NOSTRIN: variants seen among roughly 807,000 people sequenced by gnomAD.
NOSTRIN encodes the protein BM247 homolog.
NOSTRIN carries 63 observed loss-of-function variants against 59.0 expected under a neutral mutation model. That is an observed-to-expected ratio of 1.07 (90% CI 0.87 to 1.32). The LOEUF (loss-of-function observed/expected upper bound fraction) is 1.32, where lower values mean the gene tolerates loss of function less well. NOSTRIN is among the 40% of genes most tolerant of loss of function. The pLI is 0.00. For missense variants in NOSTRIN, 512 were observed against 473.1 expected, an observed-to-expected ratio of 1.08 and a Z score of -0.76; for synonymous variants, 200 against 165.4, an observed-to-expected ratio of 1.21 and a Z score of -1.61.
At chr2:168,837,888 C>T (rs1380912570) in intron 7 of NOSTRIN, among the ~76,000 whole-genome samples, 1 of 152,120 alleles carries the variant, frequency 6.6e-6, no homozygotes, top group Non-Finnish European at 1.5e-5. Context: ...TTTCCTCCTA[C>T]TTTCTGTAAA....
At chr2:168,841,298 A>G (rs945479235) in intron 7 of NOSTRIN, among the ~76,000 whole-genome samples, 2 of 24,940 alleles carry the variant, frequency 8.0e-5, no homozygotes, top group Non-Finnish European at 1.4e-4. Context: ...CTTTAAATAT[A>G]TATATATAAA....
At chr2:168,862,298 G>A (rs1013155307) in intron 15 of NOSTRIN, among the ~76,000 whole-genome samples, 1 of 152,182 alleles carries the variant, frequency 6.6e-6, no homozygotes, top group Non-Finnish European at 1.5e-5. Flanking sequence ...ACCCTTGGAG[G>A]GTTTTATTGG....
At chr2:168,840,755 C>T (rs1213383234) in intron 7 of NOSTRIN, among the ~76,000 whole-genome samples, 4 of 152,034 alleles carry the variant, frequency 2.6e-5, no homozygotes, top group Admixed American at 2.0e-4. Context: ...CCTTGAAACT[C>T]CTAAACTACT....
At chr2:168,833,562 C>G (rs1687493420) in intron 6 of NOSTRIN, among the ~76,000 whole-genome samples, 1 of 152,212 alleles carries the variant, frequency 6.6e-6, no homozygotes, top group African/African-American at 2.4e-5. Flanking sequence ...GGAGCATCAT[C>G]TTCAGTTAAA....
intron 7 of NOSTRIN, 144 bp from the exon 8 acceptor site, chr2:168,842,848 A>G: frequency 1.6e-6 from 1 of 629,708 alleles, no homozygotes; most frequent in South Asian, 2.8e-5. Context: ...AAGATCTTTC[A>G]TTTTGTCAAC....
Position 168,865,281 on chromosome 2 carries a change from G to A in NOSTRIN, c.*311G>A. The A allele has an allele frequency of 8.3e-6, 2 of 240,002 alleles. No individual in the cohort carries two copies. The highest frequency in any genetic ancestry group is 1.6e-5 in the Non-Finnish European group (2 of 123,436). 14.9% of individuals were successfully genotyped at this position (240,002 alleles called of 1,614,324 possible). ...GACGGAGTCCAAGGTGGGTTCAGCTGCTTGCCTGAAGTCAGAGTTATCTGG... is the reference window on the plus strand; with the variant it reads ...GACGGAGTCCAAGGTGGGTTCAGCTACTTGCCTGAAGTCAGAGTTATCTGG... On this transcript the variant is annotated 3_prime_UTR_variant, in exon 16 of 16. Coordinates refer to ENST00000317647, the MANE Select transcript of NOSTRIN (RefSeq NM_001039724.4).
intron 2 of NOSTRIN, among the ~76,000 whole-genome samples, chr2:168,790,124 G>C (rs539714113): frequency 6.6e-6 from 1 of 152,086 alleles, no homozygotes; most frequent in African/African-American, 2.4e-5. Context: ...TCTTTGCCTC[G>C]TGTGTTGAAC....
At chr2:168,804,174 C>A (rs1284163434) in intron 1 of NOSTRIN, among the ~76,000 whole-genome samples, 1 of 152,150 alleles carries the variant, frequency 6.6e-6, no homozygotes, top group East Asian at 1.9e-4. Context: ...AGTCTTCAGA[C>A]GTGGAGAAAT....
chr2:168,856,408 C>A, intron 11 of NOSTRIN: 1 of 369,484 alleles, frequency 2.7e-6, no homozygotes, highest in South Asian at 2.8e-5. Flanking sequence ...AACTGTGTCT[C>A]TACTAAAAAT....
At chr2:168,844,466 G>A (rs1225291495) in intron 8 of NOSTRIN, among the ~76,000 whole-genome samples, 1 of 152,154 alleles carries the variant, frequency 6.6e-6, no homozygotes, top group Non-Finnish European at 1.5e-5. Flanking sequence ...ACAAGTACTT[G>A]GTGCTCAGTG....
intron 1 of NOSTRIN, among the ~76,000 whole-genome samples, chr2:168,807,179 G>A (rs1685896667): frequency 6.6e-6 from 1 of 152,102 alleles, no homozygotes; most frequent in South Asian, 2.1e-4. Flanking sequence ...GGTGAGGTAG[G>A]AGTGAGACAA....
intron 2 of NOSTRIN, among the ~76,000 whole-genome samples, chr2:168,788,874 T>TAC (rs1000273804): frequency 1.3e-5 from 2 of 149,160 alleles, no homozygotes; most frequent in South Asian, 2.2e-4. Context: ...TGTGTGCGTA[T>TAC]ACACACACAC....
intron 6 of NOSTRIN, among the ~76,000 whole-genome samples, chr2:168,833,202 A>G (rs576193929): frequency 6.6e-6 from 1 of 152,354 alleles, no homozygotes; most frequent in Non-Finnish European, 1.5e-5. Context: ...CATGTCAGTA[A>G]TGAAGTAGTC....
At chr2:168,814,241 C>T (rs1346578188) in intron 2 of NOSTRIN, among the ~76,000 whole-genome samples, 11 of 152,254 alleles carry the variant, frequency 7.2e-5, no homozygotes, top group Admixed American at 7.2e-4. Context: ...GTCACTCCCT[C>T]TTCCTAGTGT....
intron 6 of NOSTRIN, among the ~76,000 whole-genome samples, chr2:168,832,100 G>A (rs1375160665): frequency 6.6e-6 from 1 of 152,154 alleles, no homozygotes; most frequent in Admixed American, 6.5e-5. Flanking sequence ...TATGTAAAAG[G>A]GGATGCGTAT....
intron 7 of NOSTRIN, among the ~76,000 whole-genome samples, chr2:168,837,552 G>T (rs577405044): frequency 6.6e-6 from 1 of 151,778 alleles, no homozygotes; most frequent in Non-Finnish European, 1.5e-5. Flanking sequence ...TTCGTGATCC[G>T]CCCGCCTCGG....
intron 3 of NOSTRIN, among the ~76,000 whole-genome samples, 189 bp downstream of exon 3, chr2:168,824,906 G>C (rs1253146190): frequency 1.3e-5 from 2 of 151,964 alleles, no homozygotes; most frequent in South Asian, 4.2e-4. Context: ...CTCCCATATA[G>C]AGTAGCTGGG....
intron 2 of NOSTRIN, among the ~76,000 whole-genome samples, chr2:168,790,451 G>T (rs1235374407): frequency 6.6e-6 from 1 of 152,152 alleles, no homozygotes; most frequent in Non-Finnish European, 1.5e-5. Context: ...CATCAGTAAT[G>T]GGGCAAATGA....
intron 1 of NOSTRIN, among the ~76,000 whole-genome samples, chr2:168,810,070 G>A (rs550987060): frequency 6.6e-6 from 1 of 152,246 alleles, no homozygotes; most frequent in Non-Finnish European, 1.5e-5. Context: ...GGCAGTGATG[G>A]GCCAGAATGG....
Sources: gnomAD v4.1 joint callset for allele counts (sites outside exome capture counted in the v4.1 genomes callset) on GRCh38, gnomAD v4.1.1 for gene constraint, MANE v1.5 for transcripts, NCBI Gene and HGNC (gene_info 2026-07-23, HGNC 2026-07-21) for gene names.